BBS9: variants seen among roughly 807,000 people sequenced by gnomAD.
BBS9 encodes the protein Bardet-Biedl syndrome 9, also known as protein PTHB1.
A neutral mutation model predicts 117.7 loss-of-function variants in BBS9; 89 were observed. That is an observed-to-expected ratio of 0.76 (90% CI 0.64 to 0.90). The LOEUF is 0.90. Ranked by LOEUF, BBS9 falls within the 40% of genes least tolerant of loss-of-function variation. The pLI, the probability that BBS9 is intolerant of heterozygous loss-of-function variation, is 0.00. For synonymous variants in BBS9, 379 were observed against 370.9 expected, an observed-to-expected ratio of 1.02 and a Z score of -0.25; for missense variants, 982 against 1,042.2, an observed-to-expected ratio of 0.94 and a Z score of 0.80.
chr7:33,250,648 C>T (rs543625581), intron 5 of BBS9, among the ~76,000 whole-genome samples: 1 of 152,298 alleles, frequency 6.6e-6, no homozygotes. Context: ...TCAATCTCTA[C>T]ATATTTCTAA....
At chr7:33,543,165 A>G (rs1345700485) in intron 21 of BBS9, among the ~76,000 whole-genome samples, 1 of 152,126 alleles carries the variant, frequency 6.6e-6, no homozygotes, top group African/African-American at 2.4e-5. Flanking sequence ...TGCAGGAGTA[A>G]GGTGGTATCC....
At chr7:33,430,763 G>A (rs1054435509) in intron 19 of BBS9, among the ~76,000 whole-genome samples, 1 of 152,196 alleles carries the variant, frequency 6.6e-6, no homozygotes, top group Non-Finnish European at 1.5e-5. Context: ...TAATAAATGA[G>A]TGTTTCGATC....
At chr7:33,363,563 T>G (rs528810664) in intron 16 of BBS9, among the ~76,000 whole-genome samples, 1 of 152,282 alleles carries the variant, frequency 6.6e-6, no homozygotes, top group African/African-American at 2.4e-5. Context: ...TCCAACTGGA[T>G]TGTTTGTTTT....
At chr7:33,167,928 ATGT>A (rs1431262864) in intron 4 of BBS9, among the ~76,000 whole-genome samples, 2 of 152,224 alleles carry the variant, frequency 1.3e-5, no homozygotes, top group East Asian at 1.9e-4. Flanking sequence ...TGACAAGGAA[ATGT>A]TGTCATTTAT....
intron 5 of BBS9, among the ~76,000 whole-genome samples, chr7:33,248,832 C>G (rs777070152): frequency 2.1e-4 from 32 of 152,140 alleles, no homozygotes; most frequent in Non-Finnish European, 2.9e-4. Flanking sequence ...CTTGATGTTT[C>G]CTGTCTGCCT....
At chr7:33,367,980 T>C (rs1822115191) in intron 17 of BBS9, 118 bp downstream of exon 17, 2 of 833,772 alleles carry the variant, frequency 2.4e-6, no homozygotes, top group South Asian at 2.8e-5. Context: ...TTTCAGTAAC[T>C]AAAAGCCATG....
At chr7:33,482,254 C>T (rs1009999608) in intron 19 of BBS9, among the ~76,000 whole-genome samples, 2 of 152,172 alleles carry the variant, frequency 1.3e-5, no homozygotes. Flanking sequence ...TTCAGGTGCT[C>T]ACTGAGTGGC....
At chr7:33,421,108 A>G (rs1832794978) in intron 19 of BBS9, among the ~76,000 whole-genome samples, 2 of 152,200 alleles carry the variant, frequency 1.3e-5, no homozygotes, top group African/African-American at 2.4e-5. Flanking sequence ...TGATCATTAG[A>G]TAAAGCAGGT....
rs188014587 is a variant in BBS9, at chr7:33,201,482, C to T, written c.442+23891C>T. The stretch of plus-strand genomic sequence containing the variant: ...GCTCCTCTGTTTTCAGATCCTACGT[C>T]ATCCCACTTTCTGTGGTACCTAGTG... On this transcript the variant is annotated intron_variant, in intron 5 of 22. Transcript: ENST00000242067. Among the ~76,000 whole-genome samples the T allele has an allele frequency of 3.1e-3, 477 of 152,306 alleles. 1 individual carries two copies. The highest frequency in any genetic ancestry group is 4.0e-3 in the Non-Finnish European group (269 of 68,020).
At chr7:33,390,533 TA>T in intron 19 of BBS9, 4 of 964,994 alleles carry the variant, frequency 4.1e-6, no homozygotes, top group Non-Finnish European at 4.9e-6. Flanking sequence ...GATTTTGACT[TA>T]ATTTTTATGT....
chr7:33,374,163 G>T (rs545130901), intron 17 of BBS9, among the ~76,000 whole-genome samples: 3 of 152,048 alleles, frequency 2.0e-5, no homozygotes, highest in Non-Finnish European at 2.9e-5. Flanking sequence ...ATTGAAACTC[G>T]ATAGAAATTT....
chr7:33,348,674 A>G (rs1818050233), intron 12 of BBS9, among the ~76,000 whole-genome samples: 1 of 152,112 alleles, frequency 6.6e-6, no homozygotes, highest in African/African-American at 2.4e-5. Flanking sequence ...TTACATTTTC[A>G]CTGGCAATAT....
intron 9 of BBS9, among the ~76,000 whole-genome samples, chr7:33,292,066 T>TTGAG (rs893595844): frequency 2.0e-5 from 3 of 152,078 alleles, no homozygotes; most frequent in African/African-American, 7.2e-5. Context: ...TGAATGTTGG[T>TTGAG]TGAGTGAATG....
At chr7:33,568,195 C>T (rs752253289) in intron 21 of BBS9, among the ~76,000 whole-genome samples, 1 of 152,130 alleles carries the variant, frequency 6.6e-6, no homozygotes, top group Admixed American at 6.5e-5. Flanking sequence ...ACTCCCCATA[C>T]CAGTGCATGA....
intron 20 of BBS9, among the ~76,000 whole-genome samples, chr7:33,529,195 T>G (rs1248289820): frequency 6.6e-6 from 1 of 152,172 alleles, no homozygotes; most frequent in Admixed American, 6.5e-5. Flanking sequence ...CAGCATGGAC[T>G]GTAGGAGCCT....
chr7:33,333,437 T>C (rs1814575888), intron 9 of BBS9, among the ~76,000 whole-genome samples: 3 of 152,202 alleles, frequency 2.0e-5, no homozygotes, highest in Admixed American at 2.0e-4. Context: ...CACATTTTCT[T>C]TATCCACTCA....
At chr7:33,486,054 G>A (rs1843071181) in intron 19 of BBS9, among the ~76,000 whole-genome samples, 2 of 152,288 alleles carry the variant, frequency 1.3e-5, no homozygotes, top group Admixed American at 6.5e-5. Context: ...GGAGTAGGGG[G>A]AAAGTAGAAA....
intron 19 of BBS9, among the ~76,000 whole-genome samples, chr7:33,403,398 C>T (rs1437203924): frequency 2.7e-5 from 4 of 150,596 alleles, no homozygotes; most frequent in Admixed American, 2.6e-4. Context: ...ATGTGCCATG[C>T]TGGTGTGCTG....
At chr7:33,208,224 A>T (rs1278296687) in intron 5 of BBS9, among the ~76,000 whole-genome samples, 1 of 152,220 alleles carries the variant, frequency 6.6e-6, no homozygotes, top group Non-Finnish European at 1.5e-5. Context: ...TTCTAAGTGA[A>T]TATCTGGCTC....
Sources: allele counts gnomAD v4.1 joint callset (sites outside exome capture counted in the v4.1 genomes callset), GRCh38; gene constraint gnomAD v4.1.1; transcripts MANE v1.5; gene names NCBI Gene and HGNC (gene_info 2026-07-23, HGNC 2026-07-21).